Variants in CDC42EP3 observed in about 807,000 individuals in gnomAD.
CDC42EP3 encodes the protein CDC42 effector protein (Rho GTPase binding) 3.
Under a neutral mutation model 15.5 loss-of-function variants are expected in CDC42EP3, and 4 were observed. The observed-to-expected ratio is 0.26, with a 90% CI of 0.13 to 0.59. CDC42EP3 has a LOEUF of 0.59. CDC42EP3 is among the 20% of genes least tolerant of loss of function. The probability of loss-of-function intolerance (pLI) is 0.89; values close to 1 mark genes in which losing one functional copy is unlikely to be tolerated. For missense variants in CDC42EP3, 309 were observed against 311.2 expected, an observed-to-expected ratio of 0.99 and a Z score of 0.05; for synonymous variants, 145 against 130.3, an observed-to-expected ratio of 1.11 and a Z score of -0.77.
chr2:37,664,843 G>T (rs184718454), intron 1 of CDC42EP3, among the ~76,000 whole-genome samples: 205 of 152,214 alleles, frequency 1.3e-3, no homozygotes, highest in Non-Finnish European at 2.2e-3. Flanking sequence ...GTGCTCACTT[G>T]TAAGTGGGAG....
rs1215147988 is a variant in CDC42EP3, at chr2:37,645,184, T to G, written c.*639A>C. 6.6e-6 allele frequency: 1 copy of G among 152,632 alleles called. No homozygotes were observed. The highest frequency in any genetic ancestry group is 1.5e-5 in the Non-Finnish European group (1 of 68,036). The allele number at this position is 152,632 out of a possible 1,614,324, so 9.5% of individuals were successfully genotyped here. A position where few individuals can be genotyped will look rare whatever the true frequency, so the allele number is the denominator to read the frequency against. On this transcript the variant is annotated 3_prime_UTR_variant, in exon 2 of 2. Coordinates refer to ENST00000295324, the MANE Select transcript of CDC42EP3 (RefSeq NM_006449.5). ...AGCCAAAGGCACGTAAAAATATATT[T>G]TAACTTTAAAAATAACTTAGTTACA...
At chr2:37,648,655 G>A (rs1665560854) in intron 1 of CDC42EP3, among the ~76,000 whole-genome samples, 1 of 152,216 alleles carries the variant, frequency 6.6e-6, no homozygotes, top group Non-Finnish European at 1.5e-5. Context: ...GCTGACCATG[G>A]GGCTGCCAGC....
chr2:37,645,985 G>A lies in CDC42EP3; in HGVS notation c.603C>T (p.Ala201=), dbSNP rs1301859285. The part of the protein sequence containing the change: ...SLSEQYPDWP[A]EDMFDHPTPC... Reference sequence around the variant, plus strand: ...GGGTGGGATGGTCAAACATGTCCTCGGCTGGCCAGTCGGGGTACTGTTCGG... The same window carrying A: ...GGGTGGGATGGTCAAACATGTCCTCAGCTGGCCAGTCGGGGTACTGTTCGG... The change falls in exon 2 of 2, where the codon GCC becomes GCT. Residue 201 remains alanine (A), a synonymous_variant. Transcript: ENST00000295324. 3.1e-6 allele frequency: 5 copies of A among 1,613,990 alleles called. No individual in the cohort carries two copies. Among genetic ancestry groups the A allele is most frequent in the South Asian group, 1.1e-5 (1 of 91,074 alleles).
rs1429455752 is a variant in CDC42EP3, at chr2:37,671,583, G to C, written c.-393C>G. 1 of 152,210 alleles carries C rather than the reference G, an allele frequency of 6.6e-6. No individual in the cohort carries two copies. Among genetic ancestry groups the C allele is most frequent in the Non-Finnish European group, 1.5e-5 (1 of 68,036 alleles). 9.4% of individuals were successfully genotyped at this position (152,210 alleles called of 1,614,324 possible). ...GTGAAGGCGCCCCAGGCCGGTGGCC[G>C]GGTCTCCGGGCTAGCCCCGCGCTGC... On this transcript the variant is annotated 5_prime_UTR_variant, in exon 1 of 2. Coordinates refer to ENST00000295324, the MANE Select transcript of CDC42EP3 (RefSeq NM_006449.5).
intron 1 of CDC42EP3, among the ~76,000 whole-genome samples, chr2:37,654,298 A>G (rs1390685275): frequency 6.6e-6 from 1 of 152,184 alleles, no homozygotes; most frequent in Non-Finnish European, 1.5e-5. Flanking sequence ...AGGGAGGCAA[A>G]TGGGAGGAAG....
chr2:37,650,458 T>G (rs895233825), intron 1 of CDC42EP3, among the ~76,000 whole-genome samples: 1 of 152,240 alleles, frequency 6.6e-6, no homozygotes, highest in Admixed American at 6.5e-5. Context: ...CCAGCAGCAC[T>G]TGATACAAGT....
At chr2:37,665,092 A>G (rs1666209687) in intron 1 of CDC42EP3, among the ~76,000 whole-genome samples, 1 of 150,888 alleles carries the variant, frequency 6.6e-6, no homozygotes, top group South Asian at 2.1e-4. Flanking sequence ...TCACCTTATG[A>G]TCATGTGAGT....
intron 1 of CDC42EP3, among the ~76,000 whole-genome samples, chr2:37,648,598 G>A (rs1181525556): frequency 6.6e-6 from 1 of 152,188 alleles, no homozygotes; most frequent in Non-Finnish European, 1.5e-5. Context: ...TTGGGTATGG[G>A]GAGGAGGCAG....
rs1447462135 is a variant in CDC42EP3, at chr2:37,643,447, G to A, written c.*2376C>T. The A allele has an allele frequency of 6.6e-6, 1 of 152,192 alleles. No individual in the cohort carries two copies. Among genetic ancestry groups the A allele is most frequent in the Non-Finnish European group, 1.5e-5 (1 of 68,032 alleles). 9.4% of individuals were successfully genotyped at this position (152,192 alleles called of 1,614,324 possible). On this transcript the variant is annotated 3_prime_UTR_variant, in exon 2 of 2. Transcript: ENST00000295324. The stretch of plus-strand genomic sequence containing the variant: ...CCTAATTCAATTAATGGAAGAAAAT[G>A]TACATGAAAGAACTCCCAGAAACTA...
intron 1 of CDC42EP3, among the ~76,000 whole-genome samples, chr2:37,663,222 C>T (rs1172231391): frequency 6.6e-6 from 1 of 152,192 alleles, no homozygotes; most frequent in African/African-American, 2.4e-5. Context: ...CTTCCATGTG[C>T]CTCCCCAGCC....
At chr2:37,662,820 G>C (rs919256826) in intron 1 of CDC42EP3, among the ~76,000 whole-genome samples, 1 of 152,226 alleles carries the variant, frequency 6.6e-6, no homozygotes, top group African/African-American at 2.4e-5. Context: ...GACATGCACA[G>C]AGTGAGCCAT....
chr2:37,663,580 C>T (rs1666149013), intron 1 of CDC42EP3, among the ~76,000 whole-genome samples: 2 of 152,216 alleles, frequency 1.3e-5, no homozygotes, highest in South Asian at 4.1e-4. Flanking sequence ...CCTATTTCCA[C>T]AGGGCCCGCA....
In CDC42EP3 at chr2:37,659,802, G is replaced by C. The variant is rs377055660; in HGVS notation, c.-236+11624C>G. On this transcript the variant is annotated intron_variant, in intron 1 of 1. Transcript: ENST00000295324. Reference sequence around the variant, plus strand: ...GACAGTCTATAGAAAAGGGTTGTTTGGAAGATCAATGTGTGACTGGCACAG... The same window carrying C: ...GACAGTCTATAGAAAAGGGTTGTTTCGAAGATCAATGTGTGACTGGCACAG... 6.6e-5 allele frequency among the ~76,000 whole-genome samples: 10 copies of C among 152,290 alleles called. No homozygotes were observed. The East Asian group carries it at 1.4e-3, about 21-fold the overall frequency.
At chr2:37,665,923 G>A (rs1325484327) in intron 1 of CDC42EP3, among the ~76,000 whole-genome samples, 1 of 152,194 alleles carries the variant, frequency 6.6e-6, no homozygotes, top group Non-Finnish European at 1.5e-5. Context: ...TTTTAGGGAT[G>A]AGAACAAGAA....
At chr2:37,656,024 C>T (rs1279703222) in intron 1 of CDC42EP3, among the ~76,000 whole-genome samples, 2 of 152,240 alleles carry the variant, frequency 1.3e-5, no homozygotes, top group Non-Finnish European at 2.9e-5. Flanking sequence ...AAGTTCCTAG[C>T]CATTTGCCTT....
chr2:37,668,527 CA>C (rs1416405198), intron 1 of CDC42EP3, among the ~76,000 whole-genome samples: 1 of 152,194 alleles, frequency 6.6e-6, no homozygotes, highest in Non-Finnish European at 1.5e-5. Context: ...TGTGCCCAGG[CA>C]GCCTGACTCG....
chr2:37,669,221 C>T (rs1666331699), intron 1 of CDC42EP3, among the ~76,000 whole-genome samples: 1 of 121,780 alleles, frequency 8.2e-6, no homozygotes, highest in Admixed American at 9.5e-5. Context: ...TGTGAAAAAT[C>T]TATGGCCTGG....
chr2:37,650,735 GGT>G (rs1386165572), intron 1 of CDC42EP3, among the ~76,000 whole-genome samples: 1 of 152,160 alleles, frequency 6.6e-6, no homozygotes, highest in Non-Finnish European at 1.5e-5. Flanking sequence ...TTATGAAAGG[GGT>G]GCATTCCAAA....
At position 37,667,322 on chromosome 2, in the gene CDC42EP3, G is replaced by A. The variant is rs116280011; in HGVS notation, c.-236+4104C>T. Among the ~76,000 whole-genome samples, 446 of 152,228 alleles carry A rather than the reference G, an allele frequency of 2.9e-3. 2 individuals are homozygous for A. Among genetic ancestry groups the A allele is most frequent in the Middle Eastern group, 0.014 (4 of 294 alleles). On this transcript the variant is annotated intron_variant, in intron 1 of 1. Transcript: ENST00000295324. ...ATCATCAACAAACATGGACTAAAACGTCCACTGAGTGCCGGGACTGAAGGC... is the reference window on the plus strand; with the variant it reads ...ATCATCAACAAACATGGACTAAAACATCCACTGAGTGCCGGGACTGAAGGC...
Sources: gnomAD v4.1 joint callset for allele counts (sites outside exome capture counted in the v4.1 genomes callset) on GRCh38, gnomAD v4.1.1 for gene constraint, MANE v1.5 for transcripts, NCBI Gene and HGNC (gene_info 2026-07-23, HGNC 2026-07-21) for gene names.